The following ARL17B variants were observed in gnomAD, a reference collection of about 807,000 sequenced individuals.
ARL17B encodes ADP-ribosylation factor-like protein 17.
intron 3 of ARL17B, among the ~76,000 whole-genome samples, chr17:46,350,392 T>C (rs2052696206): frequency 1.3e-5 from 1 of 79,656 alleles, no homozygotes; most frequent in Admixed American, 1.3e-4. Flanking sequence ...ACTTCTGTGT[T>C]AGGATAGGAA....
chr17:46,285,950 T>G (rs1335139096), intron 4 of ARL17B, among the ~76,000 whole-genome samples: 1 of 152,252 alleles, frequency 6.6e-6, no homozygotes, highest in Non-Finnish European at 1.5e-5. Flanking sequence ...TCTCTGTTAG[T>G]GGTGTGAGCA....
rs376846962 is a variant in ARL17B, at chr17:46,275,498, A to C, written c.*22-80T>G. 6 of 642,196 alleles carry C rather than the reference A, an allele frequency of 9.3e-6. No homozygotes were observed. The African/African-American group carries it at 1.2e-4, about 13-fold the overall frequency. The allele number at this position is 642,196 out of a possible 1,614,324, so 39.8% of individuals were successfully genotyped here. ...GCTTTATGCGGATGCCAAAGTAAAT[A>C]AATCTGGAAGAAGCAGCCATGTTCT... is the stretch of plus-strand genomic sequence containing the variant. On this transcript the variant is annotated intron_variant, in intron 4 of 4. Coordinates refer to the ARL17B transcript ENST00000570618.
intron 4 of ARL17B, among the ~76,000 whole-genome samples, chr17:46,285,672 G>A (rs1431858959): frequency 1.3e-5 from 2 of 152,226 alleles, no homozygotes; most frequent in East Asian, 3.8e-4. Flanking sequence ...TTATCTGAGT[G>A]TTAGATAAGC....
At chr17:46,276,780 TTC>T (rs1452784138) in intron 4 of ARL17B, among the ~76,000 whole-genome samples, 6 of 151,470 alleles carry the variant, frequency 4.0e-5, no homozygotes, top group Admixed American at 2.6e-4. Flanking sequence ...TGTAATTTTT[TTC>T]TTTTTTTCTT....
chr17:46,291,466 A>T (rs2050064587), intron 4 of ARL17B, among the ~76,000 whole-genome samples: 1 of 151,890 alleles, frequency 6.6e-6, no homozygotes, highest in East Asian at 1.9e-4. Context: ...GGGGTAAGGG[A>T]GGCTAACATG....
chr17:46,292,060 A>G (rs2532415), intron 4 of ARL17B, among the ~76,000 whole-genome samples: 132,011 of 136,866 alleles, frequency 0.96, 63,922 homozygotes, highest in East Asian at 1. Context: ...GGCCAGGCCC[A>G]GTGGCTCACA....
chr17:46,280,589 T>TTC (rs1555611513), intron 4 of ARL17B, among the ~76,000 whole-genome samples: 1 of 149,562 alleles, frequency 6.7e-6, no homozygotes, highest in Non-Finnish European at 1.5e-5. Context: ...TTTTTTTTTT[T>TTC]CCTGAGCAGA....
intron 4 of ARL17B, among the ~76,000 whole-genome samples, chr17:46,280,569 CTTTTTT>C (rs56981193): frequency 6.2e-5 from 7 of 112,010 alleles, no homozygotes; most frequent in South Asian, 2.6e-4. Context: ...TGATAGCACA[CTTTTTT>C]TTTTTTTTTT....
chr17:46,304,656 T>G lies in ARL17B; in HGVS notation c.260-4991A>C, dbSNP rs1377164166. On this transcript the variant is annotated intron_variant, in intron 3 of 4. Coordinates refer to the ARL17B transcript ENST00000434041. ...GAAGAAATTTTTTTTTATGAAATAT[T>G]AAAGCAATACAAAACCAAAAATGAA... 3.2e-5 allele frequency among the ~76,000 whole-genome samples: 2 copies of G among 61,562 alleles called. 1 individual carries two copies. Among genetic ancestry groups the G allele is most frequent in the Non-Finnish European group, 1.0e-4 (2 of 19,918 alleles). 40.4% of individuals were successfully genotyped at this position (61,562 alleles called of 152,430 possible). A position where few individuals can be genotyped will look rare whatever the true frequency, so the allele number is the denominator to read the frequency against.
chr17:46,323,641 C>A (rs1274876254), intron 3 of ARL17B, among the ~76,000 whole-genome samples: 1 of 99,944 alleles, frequency 1.0e-5, no homozygotes, highest in Non-Finnish European at 2.3e-5. Flanking sequence ...AAGTGATCCG[C>A]CTGCCTCAGC....
At chr17:46,275,568 T>A (rs553818501) in intron 4 of ARL17B, 1 of 499,082 alleles carries the variant, frequency 2.0e-6, no homozygotes, top group East Asian at 6.6e-5. Flanking sequence ...GATTAAGAAA[T>A]TTTTAACCTA....
At chr17:46,327,695 G>A (rs1054447902) in intron 3 of ARL17B, among the ~76,000 whole-genome samples, 9 of 12,104 alleles carry the variant, frequency 7.4e-4, no homozygotes, top group African/African-American at 1.0e-3. Flanking sequence ...ACCCAAATGT[G>A]CATCAATGAT....
At chr17:46,327,105 G>C (rs978038465) in intron 3 of ARL17B, among the ~76,000 whole-genome samples, 1 of 86,494 alleles carries the variant, frequency 1.2e-5, no homozygotes, top group African/African-American at 3.1e-5. Context: ...GTCAAAGATA[G>C]CTGTCTTGTA....
chr17:46,317,455 T>C (rs1350993323), intron 3 of ARL17B, among the ~76,000 whole-genome samples: 869 of 62,308 alleles, frequency 0.014, 189 homozygotes, highest in Middle Eastern at 0.079. Context: ...TTGATTACAG[T>C]ATGTTTAGAT....
At chr17:46,283,003 C>T (rs2049811285) in intron 4 of ARL17B, among the ~76,000 whole-genome samples, 1 of 152,098 alleles carries the variant, frequency 6.6e-6, no homozygotes, top group Admixed American at 6.5e-5. Context: ...CCTGTAGTCC[C>T]AACTACGCGG....
rs1407015520 is a variant in ARL17B, at chr17:46,292,721, G to A, written c.*21+6805C>T. ...GGTAACTGGCCTTAAGAATGATTGC[G>A]CTACAGCTTTCGAAAACTATAATGC... On this transcript the variant is annotated intron_variant, in intron 4 of 4. Coordinates refer to the ARL17B transcript ENST00000570618. 7.6e-5 allele frequency: 6 copies of A among 79,096 alleles called. 2 individuals carry two copies. Among genetic ancestry groups the A allele is most frequent in the East Asian group, 4.9e-4 (2 of 4,118 alleles). 4.9% of individuals were successfully genotyped at this position (79,096 alleles called of 1,614,324 possible).
At chr17:46,282,065 G>A (rs1202621752) in intron 4 of ARL17B, among the ~76,000 whole-genome samples, 2 of 151,958 alleles carry the variant, frequency 1.3e-5, no homozygotes, top group Admixed American at 6.6e-5. Flanking sequence ...ATAAAAATTG[G>A]ATACTTTAGC....
At chr17:46,285,357 C>G (rs1377850920) in intron 4 of ARL17B, among the ~76,000 whole-genome samples, 1 of 151,752 alleles carries the variant, frequency 6.6e-6, no homozygotes, top group Admixed American at 6.6e-5. Flanking sequence ...TCTCCTGCCT[C>G]AGCCTCCCTA....
At chr17:46,284,783 GACT>G (rs1272528809) in intron 4 of ARL17B, among the ~76,000 whole-genome samples, 1 of 152,246 alleles carries the variant, frequency 6.6e-6, no homozygotes, top group Non-Finnish European at 1.5e-5. Flanking sequence ...CACACATTGA[GACT>G]ACGATTCCCT....
Sources: gnomAD v4.1 joint callset for allele counts (sites outside exome capture counted in the v4.1 genomes callset) on GRCh38, gnomAD v4.1.1 for gene constraint, MANE v1.5 for transcripts, NCBI Gene and HGNC (gene_info 2026-07-23, HGNC 2026-07-21) for gene names.